COL6A3: variants seen among roughly 807,000 people sequenced by gnomAD.
COL6A3 encodes the protein collagen type VI alpha 3 chain.
In COL6A3, 137 loss-of-function variants were observed where a neutral mutation model predicts 274.1. That is an observed-to-expected ratio of 0.50 (90% confidence interval 0.44 to 0.58). COL6A3 has a LOEUF of 0.58. COL6A3 is among the 20% of genes least tolerant of loss of function. The pLI is 0.00. For synonymous variants in COL6A3, 1,650 were observed against 1,650.6 expected (o/e 1.00, Z 0.01); for missense variants, 3,950 against 4,124.9 (o/e 0.96, Z 1.16).
intron 1 of COL6A3, among the ~76,000 whole-genome samples, chr2:237,412,947 G>A (rs12692203): frequency 0.51 from 77,331 of 152,006 alleles, 19,849 homozygotes; most frequent in East Asian, 0.65. Context: ...TGGCTCCTGG[G>A]GCTTCCTGTG....
At chr2:237,363,539 C>A in intron 13 of COL6A3, 141 bp from the exon 14 acceptor site, 1 of 936,038 alleles carries the variant, frequency 1.1e-6, no homozygotes, top group South Asian at 1.6e-5. Context: ...AGTTTACTGG[C>A]TACTCTGAAT....
rs528918446 is a variant in COL6A3, at chr2:237,375,319, A to G, written c.3071-299T>C. 7.9e-5 allele frequency among the ~76,000 whole-genome samples: 12 copies of G among 152,278 alleles called. No homozygotes were observed. In the South Asian group the frequency reaches 2.3e-3, roughly 29 times the overall value. ...AAGTCAGAGAGGAGAGAAAGTGCCA[A>G]GCTGCTGGCAATGAGGATGGAGGAT... is the stretch of plus-strand genomic sequence containing the variant. On this transcript the variant is annotated intron_variant, in intron 7 of 43. Transcript: ENST00000295550.
chr2:237,337,771 C>A (rs368429044), intron 39 of COL6A3, among the ~76,000 whole-genome samples: 1 of 152,326 alleles, frequency 6.6e-6, no homozygotes, highest in East Asian at 1.9e-4. Flanking sequence ...GCCCCCACTG[C>A]CCTCTTTGCT....
intron 30 of COL6A3, 61 bp from the exon 31 acceptor site, chr2:237,347,930 C>T: frequency 1.3e-6 from 2 of 1,499,288 alleles, no homozygotes; most frequent in Non-Finnish European, 1.8e-6. Flanking sequence ...CACTGAGGGT[C>T]CGTGGGGTAA....
Position 237,361,691 on chromosome 2 carries a change from G to A in COL6A3, c.6156+48C>T. 6.7e-7 allele frequency: 1 copy of A among 1,496,510 alleles called. No individual in the cohort carries two copies. The allele number at this position is 1,496,510 out of a possible 1,614,324, so 92.7% of individuals were successfully genotyped here. A position where few individuals can be genotyped will look rare whatever the true frequency, so the allele number is the denominator to read the frequency against. ...AATTACCCCACCAAAGTAATGTCGG[G>A]CTTCTGACACCTCATCTCAGGCGTG... On this transcript the variant is annotated intron_variant, in intron 15 of 43. Coordinates refer to ENST00000295550, the MANE Select transcript of COL6A3 (RefSeq NM_004369.4). This position sits in a 1 kb window ranked among gnomAD's most constrained non-coding sequence, Gnocchi z 5.1.
rs1255423443 is a variant in COL6A3 at position 237,343,981 on chromosome 2, G to A, written c.7668+369C>T. On this transcript the variant is annotated intron_variant, in intron 36 of 43. Coordinates refer to ENST00000295550, the MANE Select transcript of COL6A3 (RefSeq NM_004369.4). ...TAAGACACAGCTCAGAGTGTGCACA[G>A]GGGGCCATCTTGGGAGGAGACAGGA... 8.1e-6 allele frequency: 3 copies of A among 370,622 alleles called. No individual in the cohort carries two copies. The East Asian group carries it at 2.1e-4, about 26-fold the overall frequency. The allele number at this position is 370,622 out of a possible 1,614,324, so 23.0% of individuals were successfully genotyped here.
Position 237,381,193 on chromosome 2 carries a change from G to A in COL6A3, c.1619C>T (p.Ser540Leu), listed in dbSNP as rs1231105406. 6.2e-7 allele frequency: 1 copy of A among 1,614,274 alleles called. No homozygotes were observed. The highest frequency in any genetic ancestry group is 2.2e-5 in the East Asian group (1 of 44,890). ...CCCCTCGGCAGCCCGGTAGCCGGCT[G>A]AACTCGTGAATAGGTTGTTACGAAC... ...DFVRNNLFTS[S>L]AGYRAAEGIP... Residue 540 changes from serine (S) to leucine (L), a missense_variant, in exon 5 of 44, where the codon TCA (serine) becomes TTA (leucine). By Grantham distance (145) the Ser-to-Leu change is moderately radical. This residue lies in a region of COL6A3 where 1,934 missense variants were observed against 1,984.3 expected (regional missense o/e 0.97). Coordinates refer to ENST00000295550, the MANE Select transcript of COL6A3 (RefSeq NM_004369.4).
At chr2:237,349,602 ATTTC>A (rs56153386) in intron 28 of COL6A3, among the ~76,000 whole-genome samples, 57,573 of 151,914 alleles carry the variant, frequency 0.38, 11,564 homozygotes, top group Middle Eastern at 0.49. Flanking sequence ...TGGACCGTAG[ATTTC>A]TTTATTCTTT....
rs754585956 is a variant in COL6A3, at chr2:237,361,073, G to A, written c.6210+48C>T. The A allele has an allele frequency of 8.1e-6, 12 of 1,473,022 alleles. No homozygotes were observed. The highest frequency in any genetic ancestry group is 1.4e-5 in the African/African-American group (1 of 72,258). 91.2% of individuals were successfully genotyped at this position (1,473,022 alleles called of 1,614,324 possible). A position where few individuals can be genotyped will look rare whatever the true frequency, so the allele number is the denominator to read the frequency against. ...CCACAATGCAATCCCAATGGGTAAG[G>A]ATCAAGGAGGGGGTGAAATTTTAGG... On this transcript the variant is annotated intron_variant, in intron 16 of 43. Coordinates refer to ENST00000295550, the MANE Select transcript of COL6A3 (RefSeq NM_004369.4). This position sits in a 1 kb window ranked among gnomAD's most constrained non-coding sequence, Gnocchi z 5.1.
Position 237,388,469 on chromosome 2 carries a change from G to C in COL6A3, c.710-285C>G, listed in dbSNP as rs11891780. Among the ~76,000 whole-genome samples, 1,081 of 152,292 alleles carry C rather than the reference G, an allele frequency of 7.1e-3. 11 individuals carry two copies. Among genetic ancestry groups the C allele is most frequent in the African/African-American group, 0.023 (954 of 41,550 alleles). ...TTCCAAACATCATATTCACTTTTCT[G>C]AGGGGACAATCTTGGGTACATATTC... On this transcript the variant is annotated intron_variant, in intron 3 of 43. Coordinates refer to ENST00000295550, the MANE Select transcript of COL6A3 (RefSeq NM_004369.4).
Position 237,366,974 on chromosome 2 carries a change from C to A in COL6A3, c.5213G>T (p.Arg1738Leu). ...VNHFVPEAGS[R>L]LDQRVPQIAF... Reference sequence around the variant, plus strand: ...AATCTGAGGGACCCGCTGGTCCAGGCGGCTGCCTGCCTCAGGCACAAAGTG... The same window carrying A: ...AATCTGAGGGACCCGCTGGTCCAGGAGGCTGCCTGCCTCAGGCACAAAGTG... Residue 1738 changes from arginine (R) to leucine (L), a missense_variant, in exon 11 of 44, where the codon CGC becomes CTC. Arg to Leu is a moderately radical substitution (Grantham distance 102). Around this residue, in one of 5 missense-constraint regions of COL6A3, gnomAD observed 632 missense variants for 623.4 expected, o/e 1.01. Coordinates refer to ENST00000295550, the MANE Select transcript of COL6A3 (RefSeq NM_004369.4). 2 of 1,614,260 alleles carry A rather than the reference C, an allele frequency of 1.2e-6. No individual in the cohort carries two copies. The highest frequency in any genetic ancestry group is 2.2e-5 in the East Asian group (1 of 44,888).
rs994473234 is a variant in COL6A3 at position 237,373,939 on chromosome 2, C to T, written c.3679+473G>A. ...CAGCACCAAGCAAAGTCAAAATTAT[C>T]TTCACACCTTGGCTCTGGAGATACC... On this transcript the variant is annotated intron_variant, in intron 8 of 43. Coordinates refer to ENST00000295550, the MANE Select transcript of COL6A3 (RefSeq NM_004369.4). Among the ~76,000 whole-genome samples the T allele has an allele frequency of 2.0e-5, 3 of 152,210 alleles. No individual in the cohort carries two copies. In the East Asian group the frequency reaches 5.8e-4, roughly 29 times the overall value.
rs547145173 is a variant in COL6A3 at position 237,407,058 on chromosome 2, C to T, written c.-31+6895G>A. On this transcript the variant is annotated intron_variant, in intron 1 of 43. Coordinates refer to ENST00000295550, the MANE Select transcript of COL6A3 (RefSeq NM_004369.4). This position sits in a 1 kb window ranked among gnomAD's most constrained non-coding sequence, Gnocchi z 4.3. ...CCAAGTAGCTAGGACTACAGGTGTG[C>T]GCCACCACGCCTGGCTAATTTTTTT... Among the ~76,000 whole-genome samples, 43 of 151,932 alleles carry T rather than the reference C, an allele frequency of 2.8e-4. No homozygotes were observed. The South Asian group carries it at 5.6e-3, about 20-fold the overall frequency.
At chr2:237,367,959 A>T (rs2077592690) in intron 10 of COL6A3, among the ~76,000 whole-genome samples, 2 of 152,224 alleles carry the variant, frequency 1.3e-5, no homozygotes, top group African/African-American at 2.4e-5. Flanking sequence ...GAGCTAGGGA[A>T]ACAGGCATAC....
intron 1 of COL6A3, among the ~76,000 whole-genome samples, chr2:237,401,175 C>T (rs72986185): frequency 1.4e-3 from 216 of 152,256 alleles, no homozygotes; most frequent in African/African-American, 2.4e-3. Flanking sequence ...TAGCCTCCAT[C>T]GTATGAATGT....
intron 30 of COL6A3, 85 bp from the exon 31 acceptor site, chr2:237,347,954 C>T (rs369338181): frequency 1.3e-5 from 16 of 1,266,704 alleles, no homozygotes; most frequent in African/African-American, 4.4e-5. Flanking sequence ...ATCCAGGAGA[C>T]GTGTGGGTCA....
At chr2:237,349,887 C>A (rs1382583225) in intron 28 of COL6A3, among the ~76,000 whole-genome samples, 2 of 152,270 alleles carry the variant, frequency 1.3e-5, no homozygotes, top group East Asian at 3.9e-4. Context: ...GCTTCATTAG[C>A]CTCTACATTC....
chr2:237,397,980 G>A (rs2106393044), intron 1 of COL6A3, among the ~76,000 whole-genome samples: 1 of 152,270 alleles, frequency 6.6e-6, no homozygotes, highest in South Asian at 2.1e-4. Flanking sequence ...GCACTCATAG[G>A]CACAAGGCAT....
chr2:237,347,766 T>G, intron 31 of COL6A3, 41 bp downstream of exon 31: 1 of 1,566,466 alleles, frequency 6.4e-7, no homozygotes, highest in Non-Finnish European at 8.7e-7. Context: ...GAGACATACG[T>G]TCTCATTCCT....
Sources: gnomAD v4.1 joint callset for allele counts (sites outside exome capture counted in the v4.1 genomes callset) on GRCh38, gnomAD v4.1.1 for gene constraint, gnomAD v4.1.1 regional missense constraint, Gnocchi (gnomAD v3.1) non-coding constraint, MANE v1.5 for transcripts, NCBI Gene and HGNC (gene_info 2026-07-23, HGNC 2026-07-21) for gene names.